Variants in VTI1A observed in about 807,000 individuals in gnomAD.
VTI1A encodes the protein vesicle transport through interaction with t-SNAREs 1A, also known as vesicle transport through interaction with t-SNAREs homolog 1A.
VTI1A carries 22 observed loss-of-function variants against 34.9 expected under a neutral mutation model. The ratio of observed to expected loss-of-function variants is 0.63; its 90% CI spans 0.45 to 0.90. The LOEUF (loss-of-function observed/expected upper bound fraction) is 0.90, where lower values mean the gene tolerates loss of function less well. Ranked by LOEUF, VTI1A falls within the 40% of genes least tolerant of loss-of-function variation. VTI1A has a pLI of 0.00. For missense variants in VTI1A, 268 were observed against 275.6 expected, an observed-to-expected ratio of 0.97 and a Z score of 0.20; for synonymous variants, 87 against 97.3, an observed-to-expected ratio of 0.89 and a Z score of 0.62.
At chr10:112,803,518 G>T (rs1013568008) in intron 7 of VTI1A, among the ~76,000 whole-genome samples, 3 of 152,222 alleles carry the variant, frequency 2.0e-5, no homozygotes, top group Admixed American at 6.5e-5. Context: ...AAGAGTGGAC[G>T]TGGGGCCGGA....
intron 7 of VTI1A, among the ~76,000 whole-genome samples, chr10:112,675,176 C>T (rs933995468): frequency 6.6e-5 from 10 of 152,310 alleles, no homozygotes; most frequent in African/African-American, 2.4e-4. Flanking sequence ...GCTACTTATG[C>T]ACTCTCTGAT....
At chr10:112,560,466 T>C (rs1851687093) in intron 5 of VTI1A, among the ~76,000 whole-genome samples, 1 of 152,154 alleles carries the variant, frequency 6.6e-6, no homozygotes, top group African/African-American at 2.4e-5. Flanking sequence ...CTCATAACAT[T>C]AATTGTAAGG....
intron 5 of VTI1A, among the ~76,000 whole-genome samples, chr10:112,633,856 A>T (rs1200787764): frequency 7.0e-6 from 1 of 142,536 alleles, no homozygotes; most frequent in African/African-American, 2.6e-5. Context: ...GCTCTAGACT[A>T]AAAAAAAAAA....
At chr10:112,576,919 A>G (rs557987579) in intron 5 of VTI1A, among the ~76,000 whole-genome samples, 1 of 152,342 alleles carries the variant, frequency 6.6e-6, no homozygotes, top group African/African-American at 2.4e-5. Flanking sequence ...TGCTAACTAC[A>G]GATAGTATAT....
At chr10:112,619,976 C>T (rs879327490) in intron 5 of VTI1A, among the ~76,000 whole-genome samples, 1 of 152,154 alleles carries the variant, frequency 6.6e-6, no homozygotes, top group Non-Finnish European at 1.5e-5. Flanking sequence ...GTATTTTTAA[C>T]TTTGAAATTG....
Position 112,497,041 on chromosome 10 carries a change from G to A in VTI1A, c.265-30046G>A, listed in dbSNP as rs149158625. ...ATTATTATAAAGTGATTTAGAGCTG[G>A]GTGCGGTGGCTTATGCCTGTAATCT... On this transcript the variant is annotated intron_variant, in intron 3 of 7. Coordinates refer to ENST00000393077, the MANE Select transcript of VTI1A (RefSeq NM_145206.4). Among the ~76,000 whole-genome samples, 34 of 152,280 alleles carry A rather than the reference G, an allele frequency of 2.2e-4. 1 individual carries two copies. The highest frequency in any genetic ancestry group is 2.2e-3 in the Admixed American group (33 of 15,296).
chr10:112,575,341 T>C (rs1244407804), intron 5 of VTI1A, among the ~76,000 whole-genome samples: 1 of 152,260 alleles, frequency 6.6e-6, no homozygotes, highest in Non-Finnish European at 1.5e-5. Flanking sequence ...ATCTAATTTA[T>C]GGATCTTTTC....
At chr10:112,616,379 C>G (rs2134541821) in intron 5 of VTI1A, among the ~76,000 whole-genome samples, 1 of 152,232 alleles carries the variant, frequency 6.6e-6, no homozygotes, top group African/African-American at 2.4e-5. Context: ...TCTATTTAGC[C>G]AGTACACTTG....
At chr10:112,482,200 C>T (rs1848481690) in intron 3 of VTI1A, among the ~76,000 whole-genome samples, 2 of 152,168 alleles carry the variant, frequency 1.3e-5, no homozygotes, top group South Asian at 4.2e-4. Flanking sequence ...AGTTTTTTAA[C>T]ATAATATATT....
intron 5 of VTI1A, among the ~76,000 whole-genome samples, chr10:112,593,711 G>A (rs536567902): frequency 6.6e-5 from 10 of 152,060 alleles, no homozygotes; most frequent in South Asian, 2.1e-4. Context: ...CGTTTATTCA[G>A]GATATGTGGT....
At chr10:112,802,028 G>A (rs1005107742) in intron 7 of VTI1A, among the ~76,000 whole-genome samples, 4 of 152,146 alleles carry the variant, frequency 2.6e-5, no homozygotes, top group Admixed American at 6.5e-5. Context: ...CAGGAGGATC[G>A]CTGGAGCCCG....
intron 3 of VTI1A, among the ~76,000 whole-genome samples, chr10:112,473,578 A>G (rs1848175350): frequency 6.6e-6 from 1 of 152,190 alleles, no homozygotes; most frequent in Non-Finnish European, 1.5e-5. Context: ...GCTGCAGTGA[A>G]CATATTTGAA....
chr10:112,590,868 A>C (rs560610615), intron 5 of VTI1A, among the ~76,000 whole-genome samples: 6 of 152,090 alleles, frequency 3.9e-5, no homozygotes, highest in African/African-American at 1.4e-4. Context: ...TGGAAGGCCA[A>C]GGCGGGCAGA....
intron 3 of VTI1A, among the ~76,000 whole-genome samples, chr10:112,504,643 C>T (rs1231441676): frequency 6.6e-6 from 1 of 152,080 alleles, no homozygotes; most frequent in African/African-American, 2.4e-5. Context: ...GGACATTTTT[C>T]ATAAGAAGTA....
intron 7 of VTI1A, among the ~76,000 whole-genome samples, chr10:112,684,661 G>A (rs1015707668): frequency 6.6e-5 from 10 of 152,006 alleles, no homozygotes; most frequent in Admixed American, 2.6e-4. Flanking sequence ...GGTTGGTCTC[G>A]AACTGCTGAC....
At chr10:112,748,792 AT>A (rs532679915) in intron 7 of VTI1A, among the ~76,000 whole-genome samples, 10,432 of 145,478 alleles carry the variant, frequency 0.072, 1,082 homozygotes, top group African/African-American at 0.23. Flanking sequence ...TGCCCGGCTA[AT>A]TTTTTTTTTT....
rs56067514 is a variant in VTI1A at position 112,770,053 on chromosome 10, A to AT, written c.561-45223dup. On this transcript the variant is annotated intron_variant, in intron 7 of 7. Transcript: ENST00000393077. ...TTAGCATTTGTAAATGTTGGCAACGATTTTTTTTTTTTTTAATTTCAAACC... is the reference window on the plus strand; with the variant it reads ...TTAGCATTTGTAAATGTTGGCAACGATTTTTTTTTTTTTTTAATTTCAAACC... 6.8e-3 allele frequency among the ~76,000 whole-genome samples: 994 copies of AT among 145,454 alleles called. 6 individuals are homozygous for AT. Among genetic ancestry groups the AT allele is most frequent in the South Asian group, 0.011 (52 of 4,550 alleles).
chr10:112,598,273 A>T (rs1343340531), intron 5 of VTI1A, among the ~76,000 whole-genome samples: 12 of 152,120 alleles, frequency 7.9e-5, no homozygotes, highest in Admixed American at 7.9e-4. Flanking sequence ...CTAATTATCT[A>T]AAGCGTATGG....
chr10:112,690,473 C>T (rs1848575613), intron 7 of VTI1A, among the ~76,000 whole-genome samples: 1 of 152,212 alleles, frequency 6.6e-6, no homozygotes, highest in South Asian at 2.1e-4. Flanking sequence ...CAGCTCACCC[C>T]AGTTCCTATT....
Sources: allele counts gnomAD v4.1 joint callset (sites outside exome capture counted in the v4.1 genomes callset), GRCh38; gene constraint gnomAD v4.1.1; transcripts MANE v1.5; gene names NCBI Gene and HGNC (gene_info 2026-07-23, HGNC 2026-07-21).